CTNNA2: variants seen among roughly 807,000 people sequenced by gnomAD.
The protein encoded by CTNNA2 is catenin alpha 2, also known as catenin alpha-2.
Under a neutral mutation model 101.0 loss-of-function variants are expected in CTNNA2, and 42 were observed. The observed-to-expected ratio is 0.42, with a 90% CI of 0.32 to 0.54. CTNNA2 has a LOEUF of 0.54. CTNNA2 is among the 20% of genes least tolerant of loss of function. CTNNA2 has a pLI of 0.14. For synonymous variants in CTNNA2, 450 were observed against 456.4 expected, an observed-to-expected ratio of 0.99 and a Z score of 0.18; for missense variants, 871 against 1,223.1, an observed-to-expected ratio of 0.71 and a Z score of 4.29.
At chr2:80,609,399 A>T (rs1698278627) in intron 17 of CTNNA2, among the ~76,000 whole-genome samples, 1 of 151,758 alleles carries the variant, frequency 6.6e-6, no homozygotes, top group Non-Finnish European at 1.5e-5. Context: ...TAGAGACACC[A>T]TCTGGAAAGC....
intron 7 of CTNNA2, among the ~76,000 whole-genome samples, chr2:79,988,676 A>G (rs1691944427): frequency 1.3e-5 from 2 of 152,204 alleles, no homozygotes; most frequent in Admixed American, 6.5e-5. Context: ...CACAGTTGCC[A>G]GAGTTGGAAT....
At chr2:79,731,423 G>A (rs1188060116) in intron 2 of CTNNA2, among the ~76,000 whole-genome samples, 1 of 152,056 alleles carries the variant, frequency 6.6e-6, no homozygotes, top group Non-Finnish European at 1.5e-5. Flanking sequence ...ACTGACTAAT[G>A]TGTTTTTCTG....
intron 2 of CTNNA2, among the ~76,000 whole-genome samples, chr2:79,230,230 C>T (rs1480577883): frequency 6.6e-6 from 1 of 152,220 alleles, no homozygotes; most frequent in Non-Finnish European, 1.5e-5. Flanking sequence ...CTTCTCATCA[C>T]AGGCCCAGAG....
At chr2:79,344,696 C>A (rs1484956858) in intron 3 of CTNNA2, among the ~76,000 whole-genome samples, 2 of 150,928 alleles carry the variant, frequency 1.3e-5, no homozygotes, top group African/African-American at 2.4e-5. Flanking sequence ...TTTAAAAAAC[C>A]AATTTTGTAT....
chr2:79,268,423 T>C (rs1441684423), intron 2 of CTNNA2, among the ~76,000 whole-genome samples: 8 of 152,098 alleles, frequency 5.3e-5, no homozygotes, highest in Admixed American at 5.2e-4. Flanking sequence ...CCCATGCACC[T>C]CTTCATCTGT....
chr2:79,323,857 C>A (rs1338651553), intron 3 of CTNNA2, among the ~76,000 whole-genome samples: 3 of 152,034 alleles, frequency 2.0e-5, no homozygotes, highest in Admixed American at 2.0e-4. Flanking sequence ...TTACCTATGG[C>A]CATTGTTATA....
chr2:79,539,317 C>G (rs1390575116), intron 1 of CTNNA2, among the ~76,000 whole-genome samples: 1 of 152,134 alleles, frequency 6.6e-6, no homozygotes, highest in East Asian at 1.9e-4. Context: ...CTTCACACAT[C>G]AAGAGCGTGT....
chr2:79,748,957 T>A (rs1671822409), intron 3 of CTNNA2, among the ~76,000 whole-genome samples: 1 of 151,954 alleles, frequency 6.6e-6, no homozygotes, highest in Non-Finnish European at 1.5e-5. Context: ...AGCCAGCAAA[T>A]GAGACATGGA....
intron 7 of CTNNA2, among the ~76,000 whole-genome samples, chr2:79,930,316 G>GAAAGAAAGAAAGAA (rs1553406919): frequency 5.9e-5 from 8 of 135,972 alleles, no homozygotes; most frequent in African/African-American, 2.4e-4. Flanking sequence ...AAGAAAGAAA[G>GAAAGAAAGAAAGAA]AAAGAAAGAA....
chr2:79,329,315 C>T (rs562452037), intron 3 of CTNNA2, among the ~76,000 whole-genome samples: 2 of 152,236 alleles, frequency 1.3e-5, no homozygotes, highest in South Asian at 4.1e-4. Flanking sequence ...ACTATCTCAA[C>T]CCCGGGAACA....
intron 9 of CTNNA2, among the ~76,000 whole-genome samples, chr2:80,485,078 T>G (rs1686462903): frequency 6.6e-6 from 1 of 152,194 alleles, no homozygotes; most frequent in Non-Finnish European, 1.5e-5. Context: ...CTCATTTGTT[T>G]TGCAGAATAG....
intron 9 of CTNNA2, among the ~76,000 whole-genome samples, chr2:80,443,434 C>G (rs1682771608): frequency 6.6e-6 from 1 of 152,134 alleles, no homozygotes; most frequent in Non-Finnish European, 1.5e-5. Context: ...GAAGGGGAAA[C>G]AGAATAAGCA....
chr2:79,309,328 G>A (rs72818629), intron 2 of CTNNA2, among the ~76,000 whole-genome samples: 6,317 of 152,050 alleles, frequency 0.042, 192 homozygotes, highest in Non-Finnish European at 0.06. Context: ...TAAATCCTCA[G>A]TCAAAAAACA....
intron 7 of CTNNA2, among the ~76,000 whole-genome samples, chr2:79,988,339 A>G (rs559422977): frequency 3.3e-5 from 5 of 152,300 alleles, no homozygotes; most frequent in East Asian, 3.9e-4. Context: ...TGATGTGTCT[A>G]TTTGAATATT....
chr2:79,471,378 G>A (rs548440205), intron 4 of CTNNA2, among the ~76,000 whole-genome samples: 1 of 152,266 alleles, frequency 6.6e-6, no homozygotes, highest in African/African-American at 2.4e-5. Context: ...TTTGGGTTTG[G>A]ATGAGGGTAC....
intron 7 of CTNNA2, chr2:80,301,997 G>A (rs1433754120): frequency 2.4e-6 from 1 of 418,048 alleles, no homozygotes; most frequent in Non-Finnish European, 4.2e-6. Context: ...AAGGGAGGAA[G>A]GAGTTCTCAT....
At chr2:80,135,413 G>A (rs761959010) in intron 7 of CTNNA2, among the ~76,000 whole-genome samples, 7 of 152,316 alleles carry the variant, frequency 4.6e-5, no homozygotes, top group Non-Finnish European at 7.3e-5. Flanking sequence ...CTTCTTTGTC[G>A]TAGAGTTTTG....
At chr2:80,470,260 G>A (rs1685189850) in intron 9 of CTNNA2, among the ~76,000 whole-genome samples, 1 of 152,226 alleles carries the variant, frequency 6.6e-6, no homozygotes, top group Non-Finnish European at 1.5e-5. Context: ...ATACTTCTTG[G>A]CAAAGCAGTG....
At chr2:80,630,497 C>G (rs1001455565) in intron 18 of CTNNA2, among the ~76,000 whole-genome samples, 4 of 151,994 alleles carry the variant, frequency 2.6e-5, no homozygotes, top group Admixed American at 6.6e-5. Flanking sequence ...ATTAGCTGGG[C>G]ATGGTGGGGC....
Sources: gnomAD v4.1 joint callset for allele counts (sites outside exome capture counted in the v4.1 genomes callset) on GRCh38, gnomAD v4.1.1 for gene constraint, MANE v1.5 for transcripts, NCBI Gene and HGNC (gene_info 2026-07-23, HGNC 2026-07-21) for gene names.